Variants in TRPM3 observed in about 807,000 individuals in gnomAD.
TRPM3 encodes long transient receptor potential channel 3.
TRPM3 carries 77 observed loss-of-function variants against 181.2 expected under a neutral mutation model. That is an observed-to-expected ratio of 0.42 (90% CI 0.35 to 0.51). TRPM3 has a LOEUF of 0.51. Ranked by LOEUF, TRPM3 falls within the 20% of genes least tolerant of loss-of-function variation. TRPM3 has a pLI of 0.01. For missense variants in TRPM3, 1,759 were observed against 2,196.7 expected, an observed-to-expected ratio of 0.80 and a Z score of 3.98; for synonymous variants, 745 against 796.4, an observed-to-expected ratio of 0.94 and a Z score of 1.09.
At chr9:70,792,546 G>A (rs1230378890) in intron 6 of TRPM3, among the ~76,000 whole-genome samples, 1 of 151,514 alleles carries the variant, frequency 6.6e-6, no homozygotes, top group Non-Finnish European at 1.5e-5. Flanking sequence ...AGAAAGCAGA[G>A]AGAGGGCATC....
intron 1 of TRPM3, among the ~76,000 whole-genome samples, chr9:70,907,042 GATTTAT>G (rs1310828727): frequency 2.0e-5 from 3 of 152,150 alleles, no homozygotes; most frequent in Non-Finnish European, 4.4e-5. Flanking sequence ...CTACTCTTGA[GATTTAT>G]ATTACCTTAC....
intron 25 of TRPM3, among the ~76,000 whole-genome samples, chr9:70,543,376 T>A (rs112311464): frequency 5.1e-4 from 77 of 152,328 alleles, no homozygotes; most frequent in African/African-American, 1.8e-3. Flanking sequence ...TTTAAAAATA[T>A]ACAATGAAGT....
At chr9:70,616,794 T>A (rs933017854) in intron 17 of TRPM3, among the ~76,000 whole-genome samples, 1 of 152,170 alleles carries the variant, frequency 6.6e-6, no homozygotes, top group Non-Finnish European at 1.5e-5. Flanking sequence ...CTCTCATGTA[T>A]AAACATCACG....
chr9:70,615,820 T>G, intron 18 of TRPM3, 88 bp downstream of exon 18: 2 of 1,350,918 alleles, frequency 1.5e-6, no homozygotes, highest in Non-Finnish European at 2.0e-6. Flanking sequence ...ATGTCTGACC[T>G]AAGGAGTTAC....
At chr9:70,542,672 C>G (rs1433157610) in intron 25 of TRPM3, among the ~76,000 whole-genome samples, 1 of 152,130 alleles carries the variant, frequency 6.6e-6, no homozygotes, top group South Asian at 2.1e-4. Context: ...TTCTGATAAC[C>G]TCGAAATGTG....
chr9:71,356,004 G>A (rs1228150081), intron 1 of TRPM3, among the ~76,000 whole-genome samples: 1 of 152,088 alleles, frequency 6.6e-6, no homozygotes, highest in Non-Finnish European at 1.5e-5. Flanking sequence ...GCAAGCTAGC[G>A]AGTGGTTGAT....
At chr9:71,231,633 A>G (rs1412554251) in intron 1 of TRPM3, among the ~76,000 whole-genome samples, 2 of 152,210 alleles carry the variant, frequency 1.3e-5, no homozygotes, top group Non-Finnish European at 2.9e-5. Flanking sequence ...CTTTGCAGCA[A>G]CATGATGCAG....
intron 1 of TRPM3, among the ~76,000 whole-genome samples, chr9:71,273,671 C>T (rs572579156): frequency 4.6e-5 from 7 of 152,334 alleles, no homozygotes; most frequent in African/African-American, 1.7e-4. Context: ...GCCAATTACA[C>T]TTGTGTCTAT....
chr9:71,003,755 A>C (rs369500259), intron 1 of TRPM3, among the ~76,000 whole-genome samples: 6 of 150,718 alleles, frequency 4.0e-5, no homozygotes, highest in African/African-American at 1.5e-4. Flanking sequence ...AGCCCCCCGA[A>C]ATCACTCCCC....
intron 3 of TRPM3, among the ~76,000 whole-genome samples, chr9:70,847,670 A>C (rs1049786503): frequency 5.4e-5 from 6 of 110,646 alleles, no homozygotes; most frequent in African/African-American, 2.0e-4. Context: ...AAATTAAATA[A>C]GCCTGATGCA....
At chr9:71,438,726 G>A (rs942806022) in intron 1 of TRPM3, among the ~76,000 whole-genome samples, 4 of 152,162 alleles carry the variant, frequency 2.6e-5, no homozygotes, top group Non-Finnish European at 5.9e-5. Context: ...TAGAGGAAGT[G>A]ATGTAATACC....
chr9:70,874,282 ATATGT>A (rs1176856746), intron 1 of TRPM3, among the ~76,000 whole-genome samples: 1 of 151,964 alleles, frequency 6.6e-6, no homozygotes, highest in African/African-American at 2.4e-5. Flanking sequence ...CTTGGCAATA[ATATGT>A]TATATTTATA....
chr9:70,590,872 C>T, intron 22 of TRPM3, 159 bp downstream of exon 22: 1 of 859,574 alleles, frequency 1.2e-6, no homozygotes, highest in Non-Finnish European at 1.8e-6. Flanking sequence ...ATTGTGTATT[C>T]ACCTTCTGTA....
chr9:70,632,145 G>C (rs2065967605), intron 12 of TRPM3, among the ~76,000 whole-genome samples: 1 of 152,014 alleles, frequency 6.6e-6, no homozygotes, highest in Admixed American at 6.6e-5. Flanking sequence ...TTTGAAAATT[G>C]CTTTAAGTTC....
chr9:71,315,065 T>C (rs893181871), intron 1 of TRPM3, among the ~76,000 whole-genome samples: 3 of 152,066 alleles, frequency 2.0e-5, no homozygotes, highest in African/African-American at 7.2e-5. Flanking sequence ...TGTGTGGCAA[T>C]GTGTAGAAAG....
At chr9:70,576,480 T>TCCTC (rs2053966089) in intron 22 of TRPM3, among the ~76,000 whole-genome samples, 1 of 139,868 alleles carries the variant, frequency 7.1e-6, no homozygotes, top group African/African-American at 2.7e-5. Flanking sequence ...TTCTTCTTCT[T>TCCTC]CTCCTCCTCC....
At chr9:71,404,905 A>G (rs2093408462) in intron 1 of TRPM3, among the ~76,000 whole-genome samples, 1 of 152,172 alleles carries the variant, frequency 6.6e-6, no homozygotes, top group African/African-American at 2.4e-5. Context: ...AAATATCTCT[A>G]GATCTAAACC....
chr9:70,551,234 A>G (rs1321720533), intron 24 of TRPM3, among the ~76,000 whole-genome samples: 1 of 152,160 alleles, frequency 6.6e-6, no homozygotes, highest in Non-Finnish European at 1.5e-5. Flanking sequence ...GGGTTCTTTT[A>G]ATTAAGGCTA....
chr9:70,540,089 C>T (rs536996256), intron 25 of TRPM3, among the ~76,000 whole-genome samples: 73 of 152,276 alleles, frequency 4.8e-4, no homozygotes, highest in Middle Eastern at 3.4e-3. Context: ...CCTCCCGCCT[C>T]GGCCTCCCAA....
Sources: gnomAD v4.1 joint callset for allele counts (sites outside exome capture counted in the v4.1 genomes callset) on GRCh38, gnomAD v4.1.1 for gene constraint, MANE v1.5 for transcripts, NCBI Gene and HGNC (gene_info 2026-07-23, HGNC 2026-07-21) for gene names.